TEC: variants seen among roughly 807,000 people sequenced by gnomAD.
The protein encoded by TEC is tec protein tyrosine kinase.
A neutral mutation model predicts 93.0 loss-of-function variants in TEC; 72 were observed. That is an observed-to-expected ratio of 0.77 (90% confidence interval 0.64 to 0.94). The LOEUF (loss-of-function observed/expected upper bound fraction) is 0.94, where lower values mean the gene tolerates loss of function less well. Ranked by LOEUF, TEC falls within the 40% of genes least tolerant of loss-of-function variation. The pLI is 0.00. For synonymous variants in TEC, 249 were observed against 247.7 expected (o/e 1.01, Z -0.05); for missense variants, 630 against 757.9 (o/e 0.83, Z 1.98).
intron 2 of TEC, among the ~76,000 whole-genome samples, chr4:48,227,514 G>A (rs926610931): frequency 2.6e-5 from 4 of 151,772 alleles, no homozygotes; most frequent in African/African-American, 9.7e-5. Context: ...GCGGTGGCAT[G>A]CACCTGTAAA....
intron 2 of TEC, among the ~76,000 whole-genome samples, chr4:48,226,562 T>C (rs1356979503): frequency 6.6e-6 from 1 of 152,164 alleles, no homozygotes; most frequent in Non-Finnish European, 1.5e-5. Flanking sequence ...TTTTTTATGA[T>C]TGTCTTAATA....
rs1409664773 is a variant in TEC at position 48,150,911 on chromosome 4, G to T, written c.824C>A (p.Ser275Tyr). The change falls in exon 10 of 18, where the codon TCC becomes TAC. Residue 275 changes from serine (S) to tyrosine (Y), a missense_variant. Around this residue, in one of 3 missense-constraint regions of TEC, gnomAD observed 335 missense variants for 351.5 expected, o/e 0.95. Transcript: ENST00000381501. ...DKEGGFMVRD[S>Y]SQPGLYTVSL... Reference sequence around the variant, plus strand: ...GACTGTGTACAAGCCTGGTTGACTGGAATCCCTTACCATAAAACCACCTTC... The same window carrying T: ...GACTGTGTACAAGCCTGGTTGACTGTAATCCCTTACCATAAAACCACCTTC... 2.5e-6 allele frequency: 4 copies of T among 1,587,854 alleles called. No homozygotes were observed. Among genetic ancestry groups the T allele is most frequent in the African/African-American group, 1.4e-5 (1 of 73,956 alleles).
intron 7 of TEC, 137 bp from the exon 8 acceptor site, chr4:48,163,904 A>C: frequency 6.0e-6 from 3 of 497,160 alleles, no homozygotes; most frequent in Admixed American, 4.4e-5. Flanking sequence ...ACCCCCCAAA[A>C]TGCAGTATCT....
At chr4:48,229,758 G>C (rs1723591246) in intron 1 of TEC, among the ~76,000 whole-genome samples, 1 of 150,202 alleles carries the variant, frequency 6.7e-6, no homozygotes, top group Non-Finnish European at 1.5e-5. Flanking sequence ...CTGGGTGACA[G>C]AGCAAGACTT....
chr4:48,148,361 T>C (rs1473480802), intron 11 of TEC, among the ~76,000 whole-genome samples: 2 of 152,312 alleles, frequency 1.3e-5, no homozygotes, highest in Non-Finnish European at 2.9e-5. Flanking sequence ...TCATAAGTTG[T>C]GTGAAGCACT....
rs895437842 is a variant in TEC at position 48,163,848 on chromosome 4, A to G, written c.672-81T>C. 45 of 755,966 alleles carry G rather than the reference A, an allele frequency of 6.0e-5. No homozygotes were observed. The African/African-American group carries it at 9.0e-4, about 15-fold the overall frequency. The allele number at this position is 755,966 out of a possible 1,614,324, so 46.8% of individuals were successfully genotyped here. ...GAAAGAAAGATTATTGCCTTTTGAAATAAAGCATGACATTGCTTAAAGCTT... is the reference window on the plus strand; with the variant it reads ...GAAAGAAAGATTATTGCCTTTTGAAGTAAAGCATGACATTGCTTAAAGCTT... On this transcript the variant is annotated intron_variant, in intron 7 of 17. Coordinates refer to ENST00000381501, the MANE Select transcript of TEC (RefSeq NM_003215.3).
chr4:48,199,870 T>C (rs1722442074), intron 2 of TEC, among the ~76,000 whole-genome samples: 1 of 152,236 alleles, frequency 6.6e-6, no homozygotes, highest in African/African-American at 2.4e-5. Context: ...ATTTATTTAG[T>C]GCATGTTGTA....
At chr4:48,139,473 A>G (rs1719570342) in intron 15 of TEC, among the ~76,000 whole-genome samples, 1 of 152,212 alleles carries the variant, frequency 6.6e-6, no homozygotes, top group Non-Finnish European at 1.5e-5. Flanking sequence ...AGCACAATTT[A>G]AAACTACAGC....
In TEC at chr4:48,207,766, C is replaced by T. The variant is rs1387716140; in HGVS notation, c.138+20711G>A. 5.9e-5 allele frequency among the ~76,000 whole-genome samples: 9 copies of T among 151,932 alleles called. 1 individual carries two copies. Among genetic ancestry groups the T allele is most frequent in the African/African-American group, 1.5e-4 (6 of 41,346 alleles). ...TTGTACCACTGCACTCCAGCCTGGGCGACAGAGTGAGACCTCGTCTCAAAA... is the reference window on the plus strand; with the variant it reads ...TTGTACCACTGCACTCCAGCCTGGGTGACAGAGTGAGACCTCGTCTCAAAA... On this transcript the variant is annotated intron_variant, in intron 2 of 17. Transcript: ENST00000381501.
At chr4:48,195,728 C>T (rs1355622417) in intron 2 of TEC, among the ~76,000 whole-genome samples, 1 of 152,222 alleles carries the variant, frequency 6.6e-6, no homozygotes, top group East Asian at 1.9e-4. Flanking sequence ...CAATGTTGTA[C>T]TCTTTGCTGG....
intron 1 of TEC, among the ~76,000 whole-genome samples, chr4:48,264,203 T>C (rs1348366170): frequency 2.6e-5 from 4 of 152,182 alleles, no homozygotes; most frequent in Non-Finnish European, 5.9e-5. Flanking sequence ...AAAGGTTAAA[T>C]AATTAAAGGC....
intron 2 of TEC, among the ~76,000 whole-genome samples, chr4:48,225,936 A>G (rs1560416864): frequency 2.0e-5 from 3 of 152,066 alleles, no homozygotes; most frequent in Admixed American, 1.3e-4. Flanking sequence ...GCAGCCAGAA[A>G]GGAGGTGGAT....
chr4:48,241,249 A>T (rs1464011895), intron 1 of TEC, among the ~76,000 whole-genome samples: 1 of 151,026 alleles, frequency 6.6e-6, no homozygotes. Context: ...ATTCACTGAC[A>T]CTCTTCTCAT....
At chr4:48,176,057 C>T (rs1318911566) in intron 3 of TEC, 25 bp downstream of exon 3, 4 of 1,574,280 alleles carry the variant, frequency 2.5e-6, no homozygotes, top group Non-Finnish European at 2.6e-6. Flanking sequence ...CAGCACTGCA[C>T]TGCCACAAAA....
At chr4:48,142,722 C>A (rs1253614340) in intron 14 of TEC, among the ~76,000 whole-genome samples, 2 of 151,932 alleles carry the variant, frequency 1.3e-5, no homozygotes, top group African/African-American at 4.8e-5. Flanking sequence ...CGCTCTGTCA[C>A]CAGGCTGGAG....
intron 1 of TEC, among the ~76,000 whole-genome samples, chr4:48,248,663 G>A (rs1724123450): frequency 6.6e-6 from 1 of 152,196 alleles, no homozygotes; most frequent in Admixed American, 6.5e-5. Flanking sequence ...GTATAACAAG[G>A]TATGTATCTT....
At chr4:48,137,828 C>T (rs1431076549) in intron 17 of TEC, among the ~76,000 whole-genome samples, 3 of 152,192 alleles carry the variant, frequency 2.0e-5, no homozygotes, top group Admixed American at 2.0e-4. Context: ...ATCTTGTTCC[C>T]CACAAAATCC....
At chr4:48,177,068 C>A (rs1317185726) in intron 2 of TEC, among the ~76,000 whole-genome samples, 2 of 151,970 alleles carry the variant, frequency 1.3e-5, no homozygotes, top group Non-Finnish European at 1.5e-5. Context: ...TGCTGTAGAT[C>A]TGCCTGCAGC....
chr4:48,208,908 T>C (rs942417046), intron 2 of TEC, among the ~76,000 whole-genome samples: 1 of 152,210 alleles, frequency 6.6e-6, no homozygotes, highest in African/African-American at 2.4e-5. Flanking sequence ...GGCTAAGAAA[T>C]TCAAGTAGAG....
Sources: allele counts gnomAD v4.1 joint callset (sites outside exome capture counted in the v4.1 genomes callset), GRCh38; gene constraint gnomAD v4.1.1; regional missense constraint gnomAD v4.1.1; transcripts MANE v1.5; gene names NCBI Gene and HGNC (gene_info 2026-07-23, HGNC 2026-07-21).